CEP120: variants seen among roughly 807,000 people sequenced by gnomAD.
CEP120 encodes the protein centrosomal protein 120, also known as centrosomal protein of 120 kDa.
In CEP120, 113 loss-of-function variants were observed where a neutral mutation model predicts 126.5. That is an observed-to-expected ratio of 0.89 (90% CI 0.77 to 1.04). The LOEUF is 1.04. Among genes scored for constraint, CEP120 ranks in the 50% least tolerant of loss-of-function variants. CEP120 has a pLI of 0.00. For synonymous variants in CEP120, 400 were observed against 394.3 expected, an observed-to-expected ratio of 1.01 and a Z score of -0.17; for missense variants, 1,230 against 1,155.7, an observed-to-expected ratio of 1.06 and a Z score of -0.93.
rs549493065 is a variant in CEP120 at position 123,352,982 on chromosome 5, A to G, written c.2581-2893T>C. Among the ~76,000 whole-genome samples, 13 of 152,108 alleles carry G rather than the reference A, an allele frequency of 8.5e-5. No individual in the cohort carries two copies. The South Asian group carries it at 2.3e-3, about 27-fold the overall frequency. Reference sequence around the variant, plus strand: ...TACACACTGACTTTGTTTCCAGCAAACTTGCTAAACTCACTTATTCCTAAT... The same window carrying G: ...TACACACTGACTTTGTTTCCAGCAAGCTTGCTAAACTCACTTATTCCTAAT... On this transcript the variant is annotated intron_variant, in intron 18 of 19. Transcript: ENST00000306467.
At chr5:123,381,878 T>C (rs1392656091) in intron 14 of CEP120, among the ~76,000 whole-genome samples, 1 of 151,890 alleles carries the variant, frequency 6.6e-6, no homozygotes, top group Non-Finnish European at 1.5e-5. Flanking sequence ...CAACCATACC[T>C]GGCCTATATT....
rs200418811 is a variant in CEP120 at position 123,364,490 on chromosome 5, A to G, written c.2580+6T>C. ...ATATAAAAAGAATAAGCTATAAACT[A>G]CATACCTGTTTAAGTCTGGCAAGTT... On this transcript the variant is annotated splice_donor_region_variant and intron_variant, in intron 18 of 19. Transcript: ENST00000306467. 6 of 1,584,404 alleles carry G rather than the reference A, an allele frequency of 3.8e-6. No individual in the cohort carries two copies. The South Asian group carries it at 6.7e-5, about 18-fold the overall frequency.
intron 2 of CEP120, among the ~76,000 whole-genome samples, chr5:123,416,522 G>A (rs903913320): frequency 6.6e-6 from 1 of 152,034 alleles, no homozygotes; most frequent in East Asian, 1.9e-4. Flanking sequence ...AGTGAGCCGA[G>A]ATCGCGCCAC....
intron 9 of CEP120, among the ~76,000 whole-genome samples, chr5:123,388,078 G>C (rs1335314604): frequency 1.1e-5 from 1 of 91,154 alleles, no homozygotes; most frequent in Non-Finnish European, 2.4e-5. Context: ...TTATTATTTT[G>C]ACCAGTAATA....
At chr5:123,405,277 A>AG (rs11396050) in intron 4 of CEP120, among the ~76,000 whole-genome samples, 152,171 of 152,250 alleles carry the variant, frequency 1, 76,046 homozygotes, top group East Asian at 1. Flanking sequence ...TAAAAACTCC[A>AG]GGGGACCCAG....
chr5:123,414,971 C>CAAAAAAAAAAAAAAAAAAAA (rs56756568), intron 3 of CEP120, among the ~76,000 whole-genome samples: 2 of 40,638 alleles, frequency 4.9e-5, no homozygotes, highest in African/African-American at 2.3e-4. Context: ...GACTCCATCT[C>CAAAAAAAAAAAAAAAAAAAA]AAAAAAAAAA....
At chr5:123,393,671 A>T (rs796073547) in intron 5 of CEP120, among the ~76,000 whole-genome samples, 174 bp from the exon 6 acceptor site, 12 of 152,278 alleles carry the variant, frequency 7.9e-5, no homozygotes, top group African/African-American at 2.6e-4. Flanking sequence ...CTATTTTTTT[A>T]AAAAAGAGTC....
intron 18 of CEP120, among the ~76,000 whole-genome samples, chr5:123,362,392 T>C (rs1346353446): frequency 3.3e-5 from 5 of 151,772 alleles, no homozygotes; most frequent in Non-Finnish European, 5.9e-5. Flanking sequence ...AGCCTGAGGC[T>C]GGATTCATCA....
intron 19 of CEP120, among the ~76,000 whole-genome samples, chr5:123,348,061 A>T (rs760010065): frequency 1.3e-5 from 2 of 152,128 alleles, no homozygotes; most frequent in Non-Finnish European, 2.9e-5. Flanking sequence ...AACGTCCCTA[A>T]CTGCACTGAC....
At chr5:123,362,672 A>T (rs1304862596) in intron 18 of CEP120, among the ~76,000 whole-genome samples, 1 of 151,648 alleles carries the variant, frequency 6.6e-6, no homozygotes, top group African/African-American at 2.4e-5. Context: ...GTATCATCAT[A>T]GTGATCTTCA....
intron 7 of CEP120, 182 bp from the exon 8 acceptor site, chr5:123,390,322 A>G (rs1476552905): frequency 3.0e-6 from 2 of 671,372 alleles, no homozygotes; most frequent in Admixed American, 4.1e-5. Flanking sequence ...AAGGAAGATG[A>G]ACAGAGGAAA....
intron 16 of CEP120, 33 bp downstream of exon 16, chr5:123,377,341 A>G: frequency 6.3e-7 from 1 of 1,587,706 alleles, no homozygotes; most frequent in Non-Finnish European, 8.6e-7. Context: ...CAAATAAACT[A>G]AGCATAAAAA....
At chr5:123,394,611 C>G (rs543674370) in intron 5 of CEP120, among the ~76,000 whole-genome samples, 4 of 152,050 alleles carry the variant, frequency 2.6e-5, no homozygotes, top group Non-Finnish European at 5.9e-5. Context: ...ACACTGTTGG[C>G]TTAAAAAAAT....
intron 4 of CEP120, among the ~76,000 whole-genome samples, chr5:123,400,616 C>T (rs937670928): frequency 2.2e-5 from 3 of 137,976 alleles, no homozygotes; most frequent in African/African-American, 5.4e-5. Context: ...CATATATATA[C>T]ATATATATAC....
chr5:123,370,962 A>G (rs1475484497), intron 17 of CEP120, among the ~76,000 whole-genome samples: 1 of 151,754 alleles, frequency 6.6e-6, no homozygotes, highest in Non-Finnish European at 1.5e-5. Context: ...AACATCCATT[A>G]CACAAATCTT....
intron 1 of CEP120, among the ~76,000 whole-genome samples, chr5:123,420,693 T>C (rs1774657735): frequency 6.6e-6 from 1 of 152,208 alleles, no homozygotes; most frequent in Non-Finnish European, 1.5e-5. Flanking sequence ...TAGATGTTTC[T>C]GGAAAGGAAG....
intron 10 of CEP120, 70 bp from the exon 11 acceptor site, chr5:123,385,203 T>C: frequency 7.9e-7 from 1 of 1,264,018 alleles, no homozygotes; most frequent in Non-Finnish European, 1.1e-6. Context: ...ACTAAATTCT[T>C]TGAATTCCCT....
In CEP120 at chr5:123,399,067, C is replaced by T. The variant is rs1772996041; in HGVS notation, c.612+69G>A. 15 of 1,238,928 alleles carry T rather than the reference C, an allele frequency of 1.2e-5. 1 individual carries two copies. The South Asian group carries it at 3.5e-4, about 29-fold the overall frequency. 76.7% of individuals were successfully genotyped at this position (1,238,928 alleles called of 1,614,324 possible). A position where few individuals can be genotyped will look rare whatever the true frequency, so the allele number is the denominator to read the frequency against. ...GTCTACTTGCAAGTCTTTTTAATAC[C>T]TGAAAGGTAAAATGTTTTACATAGT... On this transcript the variant is annotated intron_variant, in intron 5 of 19. Coordinates refer to ENST00000306467, the MANE Select transcript of CEP120 (RefSeq NM_001375405.1).
chr5:123,404,424 G>A lies in CEP120; in HGVS notation c.464-5140C>T, dbSNP rs551919896. On this transcript the variant is annotated intron_variant, in intron 4 of 19. Transcript: ENST00000306467. ...GAGGCAAGTGATATTTGGGTCCAAA[G>A]GCCTAAGTGGGGGTCTTCGGCACAG... Among the ~76,000 whole-genome samples, 14 of 152,264 alleles carry A rather than the reference G, an allele frequency of 9.2e-5. No homozygotes were observed. The South Asian group carries it at 1.0e-3, about 11-fold the overall frequency.
Sources: allele counts gnomAD v4.1 joint callset (sites outside exome capture counted in the v4.1 genomes callset), GRCh38; gene constraint gnomAD v4.1.1; transcripts MANE v1.5; gene names NCBI Gene and HGNC (gene_info 2026-07-23, HGNC 2026-07-21).